Variants in DMGDH observed in about 807,000 individuals in gnomAD.
DMGDH encodes dimethylglycine dehydrogenase, also known as dimethylglycine dehydrogenase, mitochondrial.
Under a neutral mutation model 95.2 loss-of-function variants are expected in DMGDH, and 76 were observed. The observed-to-expected ratio is 0.80, with a 90% confidence interval of 0.66 to 0.97. DMGDH has a LOEUF of 0.97. DMGDH is among the 50% of genes least tolerant of loss of function. The pLI is 0.00. For synonymous variants in DMGDH, 345 were observed against 377.6 expected, an observed-to-expected ratio of 0.91 and a Z score of 1.00; for missense variants, 987 against 1,055.0, an observed-to-expected ratio of 0.94 and a Z score of 0.89.
chr5:79,050,777 G>A (rs992814939), intron 5 of DMGDH, among the ~76,000 whole-genome samples: 22 of 152,146 alleles, frequency 1.4e-4, no homozygotes, highest in African/African-American at 3.9e-4. Flanking sequence ...GAGTCCAAAC[G>A]TAACAGAACA....
Position 79,029,948 on chromosome 5 carries a change from C to T in DMGDH, c.1770G>A (p.Glu590=). Residue 590 remains glutamate (E), a synonymous_variant, in exon 11 of 16, where the codon GAG becomes GAA. Transcript: ENST00000255189. ...ATCCAGAGCCAGTAATTAAAAGAAA[C>T]TCCCCAGGAGATTGGTGAGAAACAG... ...ELTVSHQSPG[E]FLLITGSGSE... is the part of the protein sequence containing the mutation. 1 of 1,614,088 alleles carries T rather than the reference C, an allele frequency of 6.2e-7. No individual in the cohort carries two copies. Among genetic ancestry groups the T allele is most frequent in the Non-Finnish European group, 8.5e-7 (1 of 1,179,978 alleles).
At chr5:79,017,835 T>G (rs1010155087) in intron 14 of DMGDH, among the ~76,000 whole-genome samples, 4 of 152,212 alleles carry the variant, frequency 2.6e-5, no homozygotes, top group Admixed American at 2.6e-4. Context: ...ACTTTTTCTA[T>G]AGGCAGTTTC....
At chr5:79,006,837 C>T (rs1753554235) in intron 14 of DMGDH, among the ~76,000 whole-genome samples, 1 of 133,566 alleles carries the variant, frequency 7.5e-6, no homozygotes, top group South Asian at 2.3e-4. Flanking sequence ...CACACACCCT[C>T]ACCTGAGACC....
intron 14 of DMGDH, among the ~76,000 whole-genome samples, chr5:79,015,604 AT>A (rs1463948747): frequency 2.6e-5 from 4 of 152,224 alleles, no homozygotes; most frequent in Admixed American, 2.6e-4. Flanking sequence ...GGTGTTGGGG[AT>A]AAAAATAATA....
At position 79,051,422 on chromosome 5, in the gene DMGDH, C is replaced by G. The variant is rs759708413; in HGVS notation, c.610G>C (p.Ala204Pro). Residue 204 changes from alanine to proline, a missense_variant, in exon 5 of 16, where the codon GCT becomes CCT. Coordinates refer to ENST00000255189, the MANE Select transcript of DMGDH (RefSeq NM_013391.3). ...DPYSLTMALAAGARKCGALLK... is the reference protein window; with the variant it reads ...DPYSLTMALAPGARKCGALLK... ...AGGGCACCACATTTCCTAGCCCCAG[C>G]AGCCAGTGCCATAGTTAGAGAATAA... is the stretch of plus-strand genomic sequence containing the variant. 6.2e-7 allele frequency: 1 copy of G among 1,614,194 alleles called. No individual in the cohort carries two copies. The highest frequency in any genetic ancestry group is 8.5e-7 in the Non-Finnish European group (1 of 1,180,036).
Position 78,998,284 on chromosome 5 carries a change from G to C in DMGDH, c.2399C>G (p.Thr800Arg). 3.1e-6 allele frequency: 5 copies of C among 1,613,344 alleles called. No homozygotes were observed. Among genetic ancestry groups the C allele is most frequent in the Non-Finnish European group, 4.2e-6 (5 of 1,179,656 alleles). Reference sequence around the variant, plus strand: ...GCTGTAGCTATAGCTTCCAGATGTCGTGTTGCCAACCACCTGGAAAACAAG... The same window carrying C: ...GCTGTAGCTATAGCTTCCAGATGTCCTGTTGCCAACCACCTGGAAAACAAG... ...IWYNGKVVGN[T>R]TSGSYSYSIQ... The change falls in exon 16 of 16, where the codon ACG (threonine) becomes AGG (arginine). Residue 800 changes from threonine to arginine, a missense_variant. Transcript: ENST00000255189.
chr5:79,037,267 G>A (rs149160859), intron 7 of DMGDH, among the ~76,000 whole-genome samples: 25 of 152,300 alleles, frequency 1.6e-4, no homozygotes, highest in Non-Finnish European at 2.8e-4. Flanking sequence ...TTTCACAGAT[G>A]AGAGGTATAG....
At position 79,068,984 on chromosome 5, in the gene DMGDH, T is replaced by G. The variant is rs6877474; in HGVS notation, c.101+536A>C. On this transcript the variant is annotated intron_variant, in intron 1 of 15. Coordinates refer to ENST00000255189, the MANE Select transcript of DMGDH (RefSeq NM_013391.3). ...CTAACAAGTTCACCTTTAAAAACTG[T>G]TGCTACCGACTCCCATATGTACTCA... Among the ~76,000 whole-genome samples the G allele has an allele frequency of 7.6e-3, 1,157 of 152,358 alleles. 10 individuals carry two copies. The highest frequency in any genetic ancestry group is 0.026 in the African/African-American group (1,085 of 41,574).
intron 9 of DMGDH, 41 bp downstream of exon 9, chr5:79,032,646 C>T: frequency 6.2e-7 from 1 of 1,613,728 alleles, no homozygotes; most frequent in Non-Finnish European, 8.5e-7. Flanking sequence ...GTTGTTTCAC[C>T]CCTCGGTCAG....
chr5:79,063,965 G>T (rs1446192663), intron 1 of DMGDH, among the ~76,000 whole-genome samples, 178 bp from the exon 2 acceptor site: 1 of 152,184 alleles, frequency 6.6e-6, no homozygotes, highest in Non-Finnish European at 1.5e-5. Context: ...CTGGTTGGGG[G>T]AGGGGTGTTT....
chr5:78,997,789 G>A lies in DMGDH; in HGVS notation c.*293C>T, dbSNP rs1753385856. The A allele has an allele frequency of 2.6e-6, 1 of 384,386 alleles. No individual in the cohort carries two copies. The highest frequency in any genetic ancestry group is 4.8e-6 in the Non-Finnish European group (1 of 209,642). The allele number at this position is 384,386 out of a possible 1,614,324, so 23.8% of individuals were successfully genotyped here. Reference sequence around the variant, plus strand: ...TGTCCCTTAATTAGGTTATAGTAATGATTGTGTATATTAGCAAACACCTAA... The same window carrying A: ...TGTCCCTTAATTAGGTTATAGTAATAATTGTGTATATTAGCAAACACCTAA... On this transcript the variant is annotated 3_prime_UTR_variant, in exon 16 of 16. Transcript: ENST00000255189.
intron 13 of DMGDH, among the ~76,000 whole-genome samples, chr5:79,025,319 G>T (rs1047589930): frequency 6.6e-6 from 1 of 152,282 alleles, no homozygotes; most frequent in South Asian, 2.1e-4. Context: ...TCCTCGGAGA[G>T]TGTGGGGACC....
intron 13 of DMGDH, 65 bp from the exon 14 acceptor site, chr5:79,024,395 A>G (rs1344572048): frequency 7.6e-6 from 11 of 1,438,686 alleles, no homozygotes; most frequent in East Asian, 2.3e-5. Context: ...CATCACTTTC[A>G]TATTTGTTTT....
Position 79,021,343 on chromosome 5 carries a change from T to C in DMGDH, c.2250+2928A>G. 4.4e-6 allele frequency: 5 copies of C among 1,129,978 alleles called. No homozygotes were observed. The South Asian group carries it at 1.1e-4, about 24-fold the overall frequency. 70.0% of individuals were successfully genotyped at this position (1,129,978 alleles called of 1,614,324 possible). On this transcript the variant is annotated intron_variant, in intron 14 of 15. Coordinates refer to ENST00000255189, the MANE Select transcript of DMGDH (RefSeq NM_013391.3). ...TGAGATCTGAGAGCCATCAGGAGTATATCTTTAACATTTAGATCTATGGGT... is the reference window on the plus strand; with the variant it reads ...TGAGATCTGAGAGCCATCAGGAGTACATCTTTAACATTTAGATCTATGGGT...
chr5:79,056,723 T>C (rs1381562011), intron 2 of DMGDH, among the ~76,000 whole-genome samples: 2 of 151,182 alleles, frequency 1.3e-5, no homozygotes, highest in South Asian at 2.1e-4. Context: ...GGCATGGTGG[T>C]GCAAGCCTGC....
At chr5:79,005,242 A>G (rs750984247) in intron 15 of DMGDH, 31 bp downstream of exon 15, 8 of 1,612,714 alleles carry the variant, frequency 5.0e-6, no homozygotes, top group Non-Finnish European at 6.8e-6. Context: ...AAGATGCCAC[A>G]GCCCCTGGCA....
intron 15 of DMGDH, among the ~76,000 whole-genome samples, chr5:79,003,947 A>AAAATAAATAAATAAAT (rs562382857): frequency 0.058 from 8,754 of 150,934 alleles, 307 homozygotes; most frequent in Non-Finnish European, 0.074. Context: ...GCTCTGTCTC[A>AAAATAAATAAATAAAT]AAATAAATAA....
At position 79,028,668 on chromosome 5, in the gene DMGDH, A is replaced by G; in HGVS notation, c.1815-18T>C. 1.2e-6 allele frequency: 2 copies of G among 1,612,012 alleles called. No homozygotes were observed. The highest frequency in any genetic ancestry group is 1.7e-6 in the Non-Finnish European group (2 of 1,178,172). On this transcript the variant is annotated intron_variant, in intron 11 of 15. Coordinates refer to ENST00000255189, the MANE Select transcript of DMGDH (RefSeq NM_013391.3). The stretch of plus-strand genomic sequence containing the variant: ...CAATCCATCTGCGTTTTAGTCATGA[A>G]CATGGTGTTAAATATTGCTTGAATA...
At chr5:79,024,835 G>A (rs1580194919) in intron 13 of DMGDH, among the ~76,000 whole-genome samples, 1 of 152,246 alleles carries the variant, frequency 6.6e-6, no homozygotes, top group East Asian at 1.9e-4. Context: ...CCAAGTCACT[G>A]TAATAGCTAC....
Sources: allele counts gnomAD v4.1 joint callset (sites outside exome capture counted in the v4.1 genomes callset), GRCh38; gene constraint gnomAD v4.1.1; transcripts MANE v1.5; gene names NCBI Gene and HGNC (gene_info 2026-07-23, HGNC 2026-07-21).